Variants in JAK2 observed in about 807,000 individuals in gnomAD.
The protein encoded by JAK2 is Janus kinase 2.
In JAK2, 86 loss-of-function variants were observed where a neutral mutation model predicts 139.3. That is an observed-to-expected ratio of 0.62 (90% confidence interval 0.52 to 0.74). JAK2 has a LOEUF of 0.74. Ranked by LOEUF, JAK2 falls within the 30% of genes least tolerant of loss-of-function variation. The pLI is 0.00. For missense variants in JAK2, 1,421 were observed against 1,360.3 expected, an observed-to-expected ratio of 1.04 and a Z score of -0.70; for synonymous variants, 490 against 437.7, an observed-to-expected ratio of 1.12 and a Z score of -1.49.
chr9:5,054,488 T>A lies in JAK2; in HGVS notation c.615-75T>A. The A allele has an allele frequency of 7.7e-7, 1 of 1,295,692 alleles. No individual in the cohort carries two copies. The highest frequency in any genetic ancestry group is 1.1e-6 in the Non-Finnish European group (1 of 935,270). 80.3% of individuals were successfully genotyped at this position (1,295,692 alleles called of 1,614,324 possible). On this transcript the variant is annotated intron_variant, in intron 6 of 24. Coordinates refer to ENST00000381652, the MANE Select transcript of JAK2 (RefSeq NM_004972.4). The surrounding 1 kb of genome is among the most constrained non-coding windows in gnomAD (Gnocchi z 4.9). ...TTAATCATGGAAAAAGGTGGTAACT[T>A]CTTTTTCAATTTTTAGATTTATCTT...
At chr9:5,060,408 T>A (rs1317248516) in intron 8 of JAK2, among the ~76,000 whole-genome samples, 1 of 152,202 alleles carries the variant, frequency 6.6e-6, no homozygotes, top group African/African-American at 2.4e-5. Flanking sequence ...TAGAAATGAG[T>A]CAGTCCTCTC....
chr9:5,029,665 A>G (rs1209097521), intron 3 of JAK2, 118 bp from the exon 4 acceptor site: 1 of 861,886 alleles, frequency 1.2e-6, no homozygotes, highest in Non-Finnish European at 1.7e-6. Context: ...TTCGACTGCT[A>G]TTACATTTTG....
chr9:4,988,218 G>A (rs1479618331), intron 2 of JAK2, among the ~76,000 whole-genome samples: 2 of 152,170 alleles, frequency 1.3e-5, no homozygotes, highest in Non-Finnish European at 2.9e-5. Flanking sequence ...TGTGTGCCAA[G>A]GTGCCCAGAG....
At chr9:4,995,275 G>C (rs1375797031) in intron 2 of JAK2, among the ~76,000 whole-genome samples, 1 of 152,168 alleles carries the variant, frequency 6.6e-6, no homozygotes, top group East Asian at 1.9e-4. Context: ...AGATAGCTTT[G>C]AGTTTGCGAA....
intron 22 of JAK2, among the ~76,000 whole-genome samples, chr9:5,115,209 A>G (rs1197012090): frequency 6.6e-6 from 1 of 152,180 alleles, no homozygotes; most frequent in African/African-American, 2.4e-5. Context: ...AACTTAAACA[A>G]GTTCACAAGA....
intron 2 of JAK2, among the ~76,000 whole-genome samples, chr9:4,993,377 G>C (rs1354066082): frequency 1.3e-5 from 2 of 152,130 alleles, no homozygotes; most frequent in Non-Finnish European, 2.9e-5. Context: ...AGATTGTTCT[G>C]AGTCCATTAC....
At chr9:5,068,679 G>A (rs1818737685) in intron 10 of JAK2, among the ~76,000 whole-genome samples, 1 of 152,176 alleles carries the variant, frequency 6.6e-6, no homozygotes, top group Non-Finnish European at 1.5e-5. Context: ...TGGAGATGGA[G>A]GCAGAAACCA....
At chr9:5,023,985 G>A (rs894532381) in intron 3 of JAK2, among the ~76,000 whole-genome samples, 4 of 152,018 alleles carry the variant, frequency 2.6e-5, no homozygotes, top group African/African-American at 7.2e-5. Flanking sequence ...GGCCGGGCAC[G>A]GTGGCTTACA....
chr9:5,060,983 C>G (rs1344876820), intron 8 of JAK2, among the ~76,000 whole-genome samples: 1 of 152,228 alleles, frequency 6.6e-6, no homozygotes, highest in Non-Finnish European at 1.5e-5. Context: ...ACATCTCTGT[C>G]AGAGCGCTTG....
rs550368956 is a variant in JAK2 at position 5,011,210 on chromosome 9, T to C, written c.-25-10753T>C. On this transcript the variant is annotated intron_variant, in intron 2 of 24. Transcript: ENST00000381652. ...TCAAGTATTTCCTCTGTTCCACTTA[T>C]ATGTATCAGACTTTGTTACTCTTGT... Among the ~76,000 whole-genome samples the C allele has an allele frequency of 2.4e-3, 364 of 151,404 alleles. 1 individual carries two copies. The highest frequency in any genetic ancestry group is 8.6e-3 in the African/African-American group (351 of 40,686).
chr9:5,007,061 T>A (rs984902147), intron 2 of JAK2, among the ~76,000 whole-genome samples: 2 of 152,148 alleles, frequency 1.3e-5, no homozygotes, highest in Non-Finnish European at 2.9e-5. Flanking sequence ...TCAATTTTAA[T>A]GCTTTTAAAA....
intron 4 of JAK2, among the ~76,000 whole-genome samples, chr9:5,034,146 G>A (rs1288690484): frequency 6.6e-6 from 1 of 152,124 alleles, no homozygotes; most frequent in Non-Finnish European, 1.5e-5. Flanking sequence ...AACAAAGAAG[G>A]CCATTACATA....
At chr9:5,013,212 CTTT>C (rs2129979510) in intron 2 of JAK2, among the ~76,000 whole-genome samples, 1 of 152,090 alleles carries the variant, frequency 6.6e-6, no homozygotes, top group African/African-American at 2.4e-5. Context: ...ATATCTTCTT[CTTT>C]TGTGATAAAA....
chr9:5,020,381 G>C (rs1043866453), intron 2 of JAK2, among the ~76,000 whole-genome samples: 1 of 152,200 alleles, frequency 6.6e-6, no homozygotes, highest in Non-Finnish European at 1.5e-5. Context: ...TGCTGAGCTG[G>C]GCAGGGTGAG....
intron 2 of JAK2, among the ~76,000 whole-genome samples, chr9:5,006,668 T>G (rs1821322290): frequency 6.6e-6 from 1 of 151,968 alleles, no homozygotes; most frequent in Non-Finnish European, 1.5e-5. Context: ...CTGCAAAAAT[T>G]TAAATAACCA....
At chr9:5,103,802 T>G (rs1453433597) in intron 22 of JAK2, among the ~76,000 whole-genome samples, 8 of 152,114 alleles carry the variant, frequency 5.3e-5, no homozygotes, top group Admixed American at 5.2e-4. Flanking sequence ...TTGAACAACC[T>G]GCTCCTGAAT....
chr9:5,102,147 A>G (rs1821546771), intron 22 of JAK2, among the ~76,000 whole-genome samples: 1 of 152,202 alleles, frequency 6.6e-6, no homozygotes, highest in African/African-American at 2.4e-5. Flanking sequence ...CCTTGAAAAA[A>G]GATTAGACCA....
intron 2 of JAK2, among the ~76,000 whole-genome samples, chr9:5,012,665 G>T (rs1374339656): frequency 1.3e-5 from 2 of 152,124 alleles, no homozygotes; most frequent in Admixed American, 1.3e-4. Context: ...AGTAAGATTT[G>T]TATCTCAGGA....
At chr9:5,068,172 AAC>A (rs1468615543) in intron 10 of JAK2, among the ~76,000 whole-genome samples, 6 of 85,080 alleles carry the variant, frequency 7.1e-5, no homozygotes, top group East Asian at 2.7e-4. Flanking sequence ...AAAAAACAAC[AAC>A]AAAAAAAAAA....
Sources: allele counts gnomAD v4.1 joint callset (sites outside exome capture counted in the v4.1 genomes callset), GRCh38; gene constraint gnomAD v4.1.1; non-coding constraint Gnocchi (gnomAD v3.1); transcripts MANE v1.5; gene names NCBI Gene and HGNC (gene_info 2026-07-23, HGNC 2026-07-21).